HGD: variants seen among roughly 807,000 people sequenced by gnomAD.
HGD encodes homogentisate 1,2-dioxygenase.
A neutral mutation model predicts 60.8 loss-of-function variants in HGD; 61 were observed. The observed-to-expected ratio is 1.00, with a 90% CI of 0.82 to 1.24. The LOEUF is 1.24. Ranked by LOEUF, HGD falls within the 50% of genes most tolerant of loss-of-function variation. HGD has a pLI of 0.00. For synonymous variants in HGD, 212 were observed against 187.7 expected, an observed-to-expected ratio of 1.13 and a Z score of -1.06; for missense variants, 542 against 547.1, an observed-to-expected ratio of 0.99 and a Z score of 0.09.
intron 4 of HGD, among the ~76,000 whole-genome samples, chr3:120,658,360 A>G (rs776857876): frequency 4.6e-5 from 7 of 152,234 alleles, no homozygotes; most frequent in Non-Finnish European, 1.0e-4. Context: ...TGCATGTCTG[A>G]AACACAGCAG....
chr3:120,681,983 G>T (rs541757457), intron 1 of HGD, 114 bp downstream of exon 1: 43 of 950,336 alleles, frequency 4.5e-5, no homozygotes, highest in East Asian at 3.8e-4. Context: ...GAACACAGGG[G>T]TTTGAACCAG....
At chr3:120,660,622 C>T (rs940902816) in intron 4 of HGD, among the ~76,000 whole-genome samples, 5 of 152,232 alleles carry the variant, frequency 3.3e-5, no homozygotes, top group Middle Eastern at 3.4e-3. Flanking sequence ...ATGAGGAGTT[C>T]GAGACCAGCC....
At position 120,669,203 on chromosome 3, in the gene HGD, C is replaced by A. The variant is rs540424411; in HGVS notation, c.282+1224G>T. Reference sequence around the variant, plus strand: ...CACCCCTATGCCAGATTTCAAAGGCCTCTCTTCAAAGATGTCTGTATTGAA... The same window carrying A: ...CACCCCTATGCCAGATTTCAAAGGCATCTCTTCAAAGATGTCTGTATTGAA... On this transcript the variant is annotated intron_variant, in intron 4 of 13. Transcript: ENST00000283871. Among the ~76,000 whole-genome samples the A allele has an allele frequency of 2.6e-5, 4 of 152,064 alleles. No individual in the cohort carries two copies. In the East Asian group the frequency reaches 7.7e-4, roughly 29 times the overall value.
chr3:120,670,727 C>A (rs1708008485), intron 3 of HGD, among the ~76,000 whole-genome samples, 195 bp from the exon 4 acceptor site: 1 of 152,220 alleles, frequency 6.6e-6, no homozygotes, highest in Non-Finnish European at 1.5e-5. Flanking sequence ...GGCCTCTTCT[C>A]ACTTTTTCAT....
chr3:120,658,091 C>T (rs1941554316), intron 4 of HGD, among the ~76,000 whole-genome samples: 1 of 152,186 alleles, frequency 6.6e-6, no homozygotes, highest in African/African-American at 2.4e-5. Flanking sequence ...CCCTTGGCTC[C>T]TTCCAAATCT....
intron 4 of HGD, among the ~76,000 whole-genome samples, chr3:120,665,712 C>G (rs1031889533): frequency 2.0e-5 from 3 of 152,226 alleles, no homozygotes; most frequent in African/African-American, 7.2e-5. Context: ...CAGTGATGAT[C>G]ACATATTGCA....
At chr3:120,644,112 A>G (rs1941081664) in intron 10 of HGD, among the ~76,000 whole-genome samples, 1 of 152,208 alleles carries the variant, frequency 6.6e-6, no homozygotes, top group East Asian at 1.9e-4. Context: ...CTTACTGTGA[A>G]ATTGGTAAAT....
intron 7 of HGD, 42 bp downstream of exon 7, chr3:120,647,835 G>A: frequency 1.3e-6 from 2 of 1,494,234 alleles, no homozygotes; most frequent in South Asian, 1.1e-5. Flanking sequence ...TGCGGTTAGG[G>A]GTCAATTAAC....
intron 12 of HGD, among the ~76,000 whole-genome samples, chr3:120,634,827 C>T (rs1940707612): frequency 6.6e-6 from 1 of 152,220 alleles, no homozygotes; most frequent in South Asian, 2.1e-4. Flanking sequence ...AAAGCTACTG[C>T]AGGCCCCTAC....
intron 4 of HGD, among the ~76,000 whole-genome samples, chr3:120,654,078 A>G (rs1215216604): frequency 2.0e-5 from 3 of 152,220 alleles, no homozygotes; most frequent in Admixed American, 6.5e-5. Flanking sequence ...TTTTAGGGGA[A>G]GTTCTGGTCT....
At chr3:120,646,415 G>C in intron 8 of HGD, 49 bp from the exon 9 acceptor site, 1 of 1,233,388 alleles carries the variant, frequency 8.1e-7, no homozygotes, top group Non-Finnish European at 1.2e-6. Flanking sequence ...CACAGCTGTA[G>C]TTATAAAGAA....
chr3:120,668,898 C>A (rs1043121684), intron 4 of HGD, among the ~76,000 whole-genome samples: 1 of 152,106 alleles, frequency 6.6e-6, no homozygotes, highest in Non-Finnish European at 1.5e-5. Context: ...GGGACAAAGG[C>A]AATACACTGG....
At chr3:120,668,462 G>T (rs1470039092) in intron 4 of HGD, among the ~76,000 whole-genome samples, 4 of 152,016 alleles carry the variant, frequency 2.6e-5, no homozygotes, top group African/African-American at 9.7e-5. Flanking sequence ...TAGACAAAAT[G>T]TCATGGTAAA....
intron 10 of HGD, among the ~76,000 whole-genome samples, chr3:120,641,984 T>G (rs113211239): frequency 0.022 from 3,285 of 152,310 alleles, 61 homozygotes; most frequent in Non-Finnish European, 0.035. Context: ...TCAACAATTT[T>G]TAACCTAACT....
chr3:120,664,012 A>G (rs556104722), intron 4 of HGD, among the ~76,000 whole-genome samples: 1 of 152,282 alleles, frequency 6.6e-6, no homozygotes, highest in South Asian at 2.1e-4. Context: ...ATCTCTGCGG[A>G]AAATTCAGAT....
At chr3:120,650,025 C>T (rs1255694541) in intron 6 of HGD, among the ~76,000 whole-genome samples, 1 of 152,136 alleles carries the variant, frequency 6.6e-6, no homozygotes, top group Non-Finnish European at 1.5e-5. Flanking sequence ...GAGAAAGGTG[C>T]CTCTACTTGC....
chr3:120,645,067 A>C (rs1002932674), intron 9 of HGD, among the ~76,000 whole-genome samples: 1 of 152,200 alleles, frequency 6.6e-6, no homozygotes, highest in Non-Finnish European at 1.5e-5. Context: ...AAGTGCAAAA[A>C]CAGTTTAACT....
intron 4 of HGD, among the ~76,000 whole-genome samples, chr3:120,664,464 G>C (rs1707853611): frequency 9.3e-6 from 1 of 107,284 alleles, no homozygotes; most frequent in South Asian, 2.9e-4. Flanking sequence ...GTTTCACACT[G>C]TTGCCCAGGC....
chr3:120,655,956 T>C (rs1018080575), intron 4 of HGD, among the ~76,000 whole-genome samples: 3 of 152,252 alleles, frequency 2.0e-5, no homozygotes, highest in Non-Finnish European at 4.4e-5. Context: ...TAGTCCTTGA[T>C]ATGCACTAAA....
Sources: allele counts gnomAD v4.1 joint callset (sites outside exome capture counted in the v4.1 genomes callset), GRCh38; gene constraint gnomAD v4.1.1; transcripts MANE v1.5; gene names NCBI Gene and HGNC (gene_info 2026-07-23, HGNC 2026-07-21).